Variants in HGS observed in about 807,000 individuals in gnomAD.
The protein encoded by HGS is human growth factor-regulated tyrosine kinase substrate.
In HGS, 63 loss-of-function variants were observed where a neutral mutation model predicts 109.7. The observed-to-expected ratio is 0.57, with a 90% CI of 0.47 to 0.71. HGS has a LOEUF of 0.71. Ranked by LOEUF, HGS falls within the 30% of genes least tolerant of loss-of-function variation. HGS has a pLI of 0.00. For missense variants in HGS, 995 were observed against 1,068.3 expected, an observed-to-expected ratio of 0.93 and a Z score of 0.96; for synonymous variants, 546 against 437.3, an observed-to-expected ratio of 1.25 and a Z score of -3.10.
chr17:81,695,194 A>G lies in HGS; in HGVS notation c.1150A>G (p.Ile384Val), dbSNP rs757216319. ...NPLPETDSQP[I>V]PPSGGPFSEP... is the part of the protein sequence containing the mutation. ...CCTCCCGGAGACAGACTCTCAGCCC[A>G]TTCCTCCCTCTGGTGGCCCCTTTAG... Residue 384 changes from isoleucine (I) to valine (V), a missense_variant, in exon 14 of 22, where the codon ATT becomes GTT. Ile to Val is a conservative substitution (Grantham distance 29). This residue lies in a region of HGS where 300 missense variants were observed against 235.4 expected (regional missense o/e 1.27). Coordinates refer to ENST00000329138, the MANE Select transcript of HGS (RefSeq NM_004712.5). The G allele has an allele frequency of 8.7e-6, 14 of 1,614,098 alleles. No homozygotes were observed. The highest frequency in any genetic ancestry group is 1.1e-5 in the South Asian group (1 of 91,086).
intron 4 of HGS, 51 bp downstream of exon 4, chr17:81,687,146 T>C: frequency 7.8e-7 from 1 of 1,287,820 alleles, no homozygotes; most frequent in Non-Finnish European, 1.1e-6. Context: ...CACCTTTGCT[T>C]CTCCGGGTGT....
chr17:81,699,060 C>T (rs2037194574), intron 18 of HGS, among the ~76,000 whole-genome samples: 2 of 149,966 alleles, frequency 1.3e-5, no homozygotes, highest in African/African-American at 4.9e-5. Flanking sequence ...GAGCGAGACT[C>T]CGTCTCAAAA....
rs762599320 is a variant in HGS, at chr17:81,696,868, G to A, written c.1752G>A (p.Ser584=). ...CCGGAGGTGTGCTCTACCAGCCCTCGGGACCAGCCAGCTTCCCCAGCACCT... is the reference window on the plus strand; with the variant it reads ...CCGGAGGTGTGCTCTACCAGCCCTCAGGACCAGCCAGCTTCCCCAGCACCT... ...PAAGGVLYQP[S]GPASFPSTFS... is the part of the protein sequence containing the mutation. The change falls in exon 18 of 22, where the codon TCG becomes TCA. Residue 584 remains serine, a synonymous_variant. Coordinates refer to ENST00000329138, the MANE Select transcript of HGS (RefSeq NM_004712.5). The A allele has an allele frequency of 6.2e-7, 1 of 1,610,850 alleles. No individual in the cohort carries two copies. Among genetic ancestry groups the A allele is most frequent in the East Asian group, 2.2e-5 (1 of 44,854 alleles).
intron 18 of HGS, chr17:81,697,974 G>C (rs1256677699): frequency 6.6e-6 from 1 of 152,068 alleles, no homozygotes; most frequent in African/African-American, 2.4e-5. Context: ...GAGTAGCTGG[G>C]ACTACAGGAT....
chr17:81,688,012 G>C (rs1400573121), intron 4 of HGS, among the ~76,000 whole-genome samples: 1 of 152,344 alleles, frequency 6.6e-6, no homozygotes, highest in Admixed American at 6.5e-5. Context: ...GAGCCGGTTC[G>C]CTCCTCTGGG....
In HGS at chr17:81,691,695, G is replaced by T; in HGVS notation, c.662+124G>T. 4 of 1,297,838 alleles carry T rather than the reference G, an allele frequency of 3.1e-6. No homozygotes were observed. The South Asian group carries it at 3.9e-5, about 13-fold the overall frequency. 80.4% of individuals were successfully genotyped at this position (1,297,838 alleles called of 1,614,324 possible). On this transcript the variant is annotated intron_variant, in intron 8 of 21. Coordinates refer to ENST00000329138, the MANE Select transcript of HGS (RefSeq NM_004712.5). This position sits in a 1 kb window ranked among gnomAD's most constrained non-coding sequence, Gnocchi z 5.3. ...AGAGGACCCTCACAGCACAGCAGCT[G>T]GAAGGTCAAGGGAAACCCAGGGTGG...
At chr17:81,690,883 TGGCGTCAGGAGGGGGACAGTGA>T in intron 7 of HGS, 141 bp downstream of exon 7, 1 of 669,658 alleles carries the variant, frequency 1.5e-6, no homozygotes, top group South Asian at 2.0e-5. Flanking sequence ...GGTGGCAGTG[TGGCGTCAGGAGGGGGACAGTGA>T]GGGCCCACGT....
In HGS at chr17:81,696,892, C is replaced by G; in HGVS notation, c.1776C>G (p.Thr592=). The G allele has an allele frequency of 6.2e-7, 1 of 1,610,568 alleles. No homozygotes were observed. The change falls in exon 18 of 22, where the codon ACC becomes ACG. Residue 592 remains threonine (T), a synonymous_variant. Transcript: ENST00000329138. ...CGGGACCAGCCAGCTTCCCCAGCAC[C>G]TTCAGCCCTGCCGGCTCGGTGGAGG... The part of the protein sequence containing the change: ...QPSGPASFPS[T]FSPAGSVEGS...
rs937836243 is a variant in HGS, at chr17:81,685,139, G to C, written c.38-466G>C. 3 of 894,728 alleles carry C rather than the reference G, an allele frequency of 3.4e-6. No homozygotes were observed. The African/African-American group carries it at 5.5e-5, about 16-fold the overall frequency. 55.4% of individuals were successfully genotyped at this position (894,728 alleles called of 1,614,324 possible). On this transcript the variant is annotated intron_variant, in intron 1 of 21. Transcript: ENST00000329138. The stretch of plus-strand genomic sequence containing the variant: ...CCAAAGCACTTGGCTTGGAGCAAGG[G>C]GCCTGGAGTCTACACTGCAGGCCTC...
chr17:81,685,027 G>A (rs985641700), intron 1 of HGS: 1 of 985,268 alleles, frequency 1.0e-6, no homozygotes. Flanking sequence ...CCCCCCCAGA[G>A]GGGCCAGTTG....
rs2037050738 is a variant in HGS, at chr17:81,690,751, C to T, written c.537+9C>T. 3 of 1,611,144 alleles carry T rather than the reference C, an allele frequency of 1.9e-6. No homozygotes were observed. The East Asian group carries it at 6.7e-5, about 36-fold the overall frequency. ...GGGTGATGACCCGTAAGGTGAGTTC[C>T]CACCTGGGGGGCTCTACAGCCCCGG... is the stretch of plus-strand genomic sequence containing the variant. On this transcript the variant is annotated intron_variant, in intron 7 of 21. Coordinates refer to ENST00000329138, the MANE Select transcript of HGS (RefSeq NM_004712.5).
At chr17:81,694,057 G>T in intron 11 of HGS, 92 bp downstream of exon 11, 1 of 1,094,644 alleles carries the variant, frequency 9.1e-7, no homozygotes, top group South Asian at 1.5e-5. Flanking sequence ...TCAGGTTGGT[G>T]GGGGATGCGG....
In HGS at chr17:81,685,164, C is replaced by T. The variant is rs1285114541; in HGVS notation, c.38-441C>T. ...GGCCTGGAGTCTACACTGCAGGCCT[C>T]TCTAGCCCTTGCCCAAGCTAAGGTC... On this transcript the variant is annotated intron_variant, in intron 1 of 21. Coordinates refer to ENST00000329138, the MANE Select transcript of HGS (RefSeq NM_004712.5). The T allele has an allele frequency of 5.7e-6, 4 of 697,294 alleles. No individual in the cohort carries two copies. The African/African-American group carries it at 5.8e-5, about 10-fold the overall frequency. The allele number at this position is 697,294 out of a possible 1,614,324, so 43.2% of individuals were successfully genotyped here. A position where few individuals can be genotyped will look rare whatever the true frequency, so the allele number is the denominator to read the frequency against.
At chr17:81,685,189 C>T in intron 1 of HGS, 1 of 463,410 alleles carries the variant, frequency 2.2e-6, no homozygotes, top group Non-Finnish European at 2.8e-6. Flanking sequence ...AAGCTAAGGT[C>T]CCATTGAAAC....
intron 18 of HGS, chr17:81,697,970 C>T (rs2037180799): frequency 6.6e-6 from 1 of 152,068 alleles, no homozygotes; most frequent in African/African-American, 2.4e-5. Context: ...TCTTGAGTAG[C>T]TGGGACTACA....
At position 81,701,097 on chromosome 17, in the gene HGS, C is replaced by T; in HGVS notation, c.2189C>T (p.Pro730Leu). 2 of 1,614,004 alleles carry T rather than the reference C, an allele frequency of 1.2e-6. No individual in the cohort carries two copies. Among genetic ancestry groups the T allele is most frequent in the Non-Finnish European group, 1.7e-6 (2 of 1,180,012 alleles). ...SQDASLPPQQ[P>L]YIAGQQPMYQ... ...GATGCGTCTCTGCCACCCCAGCAGCCCTACATCGCGGGGCAGCAGCCCATG... is the reference window on the plus strand; with the variant it reads ...GATGCGTCTCTGCCACCCCAGCAGCTCTACATCGCGGGGCAGCAGCCCATG... Residue 730 changes from proline (P) to leucine (L), a missense_variant, in exon 21 of 22, where the codon CCC becomes CTC. Transcript: ENST00000329138.
intron 20 of HGS, 65 bp from the exon 21 acceptor site, chr17:81,700,980 C>T (rs539210621): frequency 6.4e-7 from 1 of 1,555,972 alleles, no homozygotes; most frequent in African/African-American, 1.4e-5. Flanking sequence ...TGTTGCAAGC[C>T]AGAAACATCC....
chr17:81,700,094 C>T (rs549617702), intron 18 of HGS, among the ~76,000 whole-genome samples: 5 of 149,680 alleles, frequency 3.3e-5, no homozygotes, highest in South Asian at 4.2e-4. Context: ...CGGCCGGGCG[C>T]GGTGGCTCAC....
At chr17:81,698,897 C>T (rs983454981) in intron 18 of HGS, among the ~76,000 whole-genome samples, 1 of 151,882 alleles carries the variant, frequency 6.6e-6, no homozygotes, top group Non-Finnish European at 1.5e-5. Context: ...GGTGAAACCC[C>T]GTCTACTAAA....
Sources: gnomAD v4.1 joint callset for allele counts (sites outside exome capture counted in the v4.1 genomes callset) on GRCh38, gnomAD v4.1.1 for gene constraint, gnomAD v4.1.1 regional missense constraint, Gnocchi (gnomAD v3.1) non-coding constraint, MANE v1.5 for transcripts, NCBI Gene and HGNC (gene_info 2026-07-23, HGNC 2026-07-21) for gene names.